Variants in INPP4B observed in about 807,000 individuals in gnomAD.
INPP4B encodes inositol polyphosphate-4-phosphatase type II B.
INPP4B carries 55 observed loss-of-function variants against 122.5 expected under a neutral mutation model. The ratio of observed to expected loss-of-function variants is 0.45; its 90% CI spans 0.36 to 0.56. INPP4B has a LOEUF of 0.56. Among genes scored for constraint, INPP4B ranks in the 20% least tolerant of loss-of-function variants. The pLI is 0.00. For missense variants in INPP4B, 1,000 were observed against 1,097.7 expected, an observed-to-expected ratio of 0.91 and a Z score of 1.26; for synonymous variants, 403 against 388.7, an observed-to-expected ratio of 1.04 and a Z score of -0.43.
chr4:142,127,873 T>C (rs1799320285), intron 18 of INPP4B, among the ~76,000 whole-genome samples: 2 of 152,148 alleles, frequency 1.3e-5, no homozygotes, highest in South Asian at 4.1e-4. Context: ...TTCTTCTCTG[T>C]TAATATGCAG....
intron 1 of INPP4B, among the ~76,000 whole-genome samples, chr4:142,782,023 G>T (rs1461367021): frequency 6.6e-6 from 1 of 151,396 alleles, no homozygotes; most frequent in Non-Finnish European, 1.5e-5. Flanking sequence ...GGGTACATGT[G>T]CACAATGTGC....
intron 5 of INPP4B, among the ~76,000 whole-genome samples, chr4:142,414,933 A>T (rs532585489): frequency 6.6e-6 from 1 of 152,238 alleles, no homozygotes; most frequent in Non-Finnish European, 1.5e-5. Flanking sequence ...TGAAAATGTT[A>T]TTCCAAGAAG....
chr4:142,664,528 G>A (rs1298172055), intron 2 of INPP4B, among the ~76,000 whole-genome samples: 1 of 151,130 alleles, frequency 6.6e-6, no homozygotes, highest in African/African-American at 2.4e-5. Flanking sequence ...TCAGGTTTAC[G>A]TCACTTCCAT....
Position 142,323,727 on chromosome 4 carries a change from G to A in INPP4B, c.373-8965C>T, listed in dbSNP as rs189198321. 9.5e-4 allele frequency among the ~76,000 whole-genome samples: 144 copies of A among 151,632 alleles called. 2 individuals carry two copies. In the Middle Eastern group the frequency reaches 0.034, roughly 36 times the overall value. ...CCCAAAGTGCAGGGATTACAGGCGTGAGCCACAGCGCCCAGCAGATCTTTT... is the reference window on the plus strand; with the variant it reads ...CCCAAAGTGCAGGGATTACAGGCGTAAGCCACAGCGCCCAGCAGATCTTTT... On this transcript the variant is annotated intron_variant, in intron 7 of 25. Coordinates refer to ENST00000262992, the MANE Select transcript of INPP4B (RefSeq NM_001101669.3).
At chr4:142,535,844 A>C (rs1217583995) in intron 2 of INPP4B, among the ~76,000 whole-genome samples, 1 of 152,166 alleles carries the variant, frequency 6.6e-6, no homozygotes, top group Non-Finnish European at 1.5e-5. Context: ...TAAGTTTCCC[A>C]AATTTACATA....
At chr4:142,252,041 C>T (rs954960906) in intron 11 of INPP4B, among the ~76,000 whole-genome samples, 42 of 152,184 alleles carry the variant, frequency 2.8e-4, no homozygotes, top group Non-Finnish European at 3.1e-4. Flanking sequence ...ATTCTGGACC[C>T]ACTGTTTACC....
Position 142,551,513 on chromosome 4 carries a change from T to C in INPP4B, c.-190-88787A>G, listed in dbSNP as rs187099183. ...TTTAAAACAATGATTGCCTAAATGT[T>C]TTACTATTAAACTGTTTAAATTTCA... is the stretch of plus-strand genomic sequence containing the variant. On this transcript the variant is annotated intron_variant, in intron 2 of 25. Transcript: ENST00000262992. Among the ~76,000 whole-genome samples the C allele has an allele frequency of 2.0e-5, 3 of 152,278 alleles. No individual in the cohort carries two copies. In the East Asian group the frequency reaches 5.8e-4, roughly 29 times the overall value.
intron 2 of INPP4B, among the ~76,000 whole-genome samples, chr4:142,616,138 G>A (rs1181029203): frequency 1.3e-5 from 2 of 152,106 alleles, no homozygotes; most frequent in African/African-American, 4.8e-5. Flanking sequence ...TTTTTATGCA[G>A]ATAAAGCCCC....
chr4:142,677,761 A>G (rs570460382), intron 2 of INPP4B, among the ~76,000 whole-genome samples: 1 of 152,214 alleles, frequency 6.6e-6, no homozygotes, highest in African/African-American at 2.4e-5. Context: ...CAAACACTAC[A>G]TGTCCTCACT....
chr4:142,257,445 T>A (rs1237921621), intron 11 of INPP4B, among the ~76,000 whole-genome samples: 1 of 152,142 alleles, frequency 6.6e-6, no homozygotes, highest in Non-Finnish European at 1.5e-5. Flanking sequence ...TGATTGTATA[T>A]CTAGAAAACC....
intron 7 of INPP4B, among the ~76,000 whole-genome samples, chr4:142,333,749 A>G (rs1218341978): frequency 6.6e-6 from 1 of 152,060 alleles, no homozygotes; most frequent in African/African-American, 2.4e-5. Context: ...GGTATAATTG[A>G]CAATAAAAAT....
chr4:142,578,003 T>C lies in INPP4B; in HGVS notation c.-190-115277A>G, dbSNP rs1734217270. ...CATGTGAGTCCTGTCCTTCTGCCAATTTCTGTTGGTTGGAAGAAAGTCACA... is the reference window on the plus strand; with the variant it reads ...CATGTGAGTCCTGTCCTTCTGCCAACTTCTGTTGGTTGGAAGAAAGTCACA... On this transcript the variant is annotated intron_variant, in intron 2 of 25. Coordinates refer to ENST00000262992, the MANE Select transcript of INPP4B (RefSeq NM_001101669.3). 2.0e-5 allele frequency among the ~76,000 whole-genome samples: 3 copies of C among 152,012 alleles called. No individual in the cohort carries two copies. In the South Asian group the frequency reaches 6.2e-4, roughly 31 times the overall value.
intron 1 of INPP4B, among the ~76,000 whole-genome samples, chr4:142,827,627 G>C (rs1411274866): frequency 6.6e-6 from 1 of 152,088 alleles, no homozygotes; most frequent in Non-Finnish European, 1.5e-5. Context: ...CTTAGAGTCA[G>C]AAATATATTT....
chr4:142,688,705 C>T (rs1053099027), intron 2 of INPP4B, among the ~76,000 whole-genome samples: 2 of 152,152 alleles, frequency 1.3e-5, no homozygotes, highest in Non-Finnish European at 2.9e-5. Context: ...CCCCTTCCTG[C>T]CTGGGACTAG....
chr4:142,433,162 A>C (rs1809697008), intron 3 of INPP4B, among the ~76,000 whole-genome samples: 1 of 152,176 alleles, frequency 6.6e-6, no homozygotes. Context: ...CCAAGTACAC[A>C]CTTCAGAAGG....
intron 25 of INPP4B, among the ~76,000 whole-genome samples, chr4:142,050,804 T>G (rs2152389893): frequency 6.6e-6 from 1 of 152,144 alleles, no homozygotes; most frequent in African/African-American, 2.4e-5. Flanking sequence ...TACAGGTGGA[T>G]TGGCTCCAGG....
chr4:142,140,915 G>T (rs1399660231), intron 18 of INPP4B, among the ~76,000 whole-genome samples: 3 of 152,130 alleles, frequency 2.0e-5, no homozygotes, highest in Non-Finnish European at 4.4e-5. Flanking sequence ...GTAGGGAGGT[G>T]GTCCTCCTGG....
chr4:142,254,872 C>G (rs931261009), intron 11 of INPP4B, among the ~76,000 whole-genome samples: 4 of 151,730 alleles, frequency 2.6e-5, no homozygotes, highest in Admixed American at 6.6e-5. Flanking sequence ...AGATACTCCT[C>G]GAGAAGAGCA....
chr4:142,184,679 G>C (rs1832401021), intron 15 of INPP4B, among the ~76,000 whole-genome samples: 1 of 152,188 alleles, frequency 6.6e-6, no homozygotes, highest in Non-Finnish European at 1.5e-5. Flanking sequence ...ACAGTCTAGA[G>C]GGATTTTGTA....
Sources: gnomAD v4.1 joint callset for allele counts (sites outside exome capture counted in the v4.1 genomes callset) on GRCh38, gnomAD v4.1.1 for gene constraint, MANE v1.5 for transcripts, NCBI Gene and HGNC (gene_info 2026-07-23, HGNC 2026-07-21) for gene names.